Variants in COL4A3 observed in about 807,000 individuals in gnomAD.
COL4A3 encodes the protein collagen type IV alpha 3 chain, also known as collagen alpha-3(IV) chain.
COL4A3 carries 135 observed loss-of-function variants against 217.4 expected under a neutral mutation model. The ratio of observed to expected loss-of-function variants is 0.62; its 90% CI spans 0.54 to 0.72. The LOEUF (loss-of-function observed/expected upper bound fraction) is 0.72, where lower values mean the gene tolerates loss of function less well. Ranked by LOEUF, COL4A3 falls within the 30% of genes least tolerant of loss-of-function variation. The probability of loss-of-function intolerance (pLI) is 0.00; values close to 1 mark genes in which losing one functional copy is unlikely to be tolerated. For synonymous variants in COL4A3, 690 were observed against 736.3 expected, an observed-to-expected ratio of 0.94 and a Z score of 1.02; for missense variants, 1,868 against 2,119.9, an observed-to-expected ratio of 0.88 and a Z score of 2.33.
chr2:227,243,334 T>C (rs1215191272), intron 3 of COL4A3, among the ~76,000 whole-genome samples: 1 of 152,196 alleles, frequency 6.6e-6, no homozygotes, highest in African/African-American at 2.4e-5. Flanking sequence ...AATTAGAGAA[T>C]ATTAAAACCT....
intron 1 of COL4A3, among the ~76,000 whole-genome samples, chr2:227,216,331 C>T (rs994007598): frequency 6.6e-6 from 1 of 151,990 alleles, no homozygotes; most frequent in Non-Finnish European, 1.5e-5. Context: ...TAAACGCCAC[C>T]CTTTCCTGTC....
chr2:227,237,875 C>T (rs2068785716), intron 1 of COL4A3, 93 bp from the exon 2 acceptor site: 4 of 906,438 alleles, frequency 4.4e-6, no homozygotes, highest in Non-Finnish European at 7.4e-6. Context: ...GTCCAATACT[C>T]GAAGAACAGA....
At chr2:227,247,349 G>C (rs1299929746) in intron 7 of COL4A3, among the ~76,000 whole-genome samples, 1 of 152,180 alleles carries the variant, frequency 6.6e-6, no homozygotes, top group African/African-American at 2.4e-5. Flanking sequence ...GGTGGGAAAT[G>C]AACAAAATGG....
intron 1 of COL4A3, among the ~76,000 whole-genome samples, chr2:227,214,121 T>G (rs1417896992): frequency 1.3e-5 from 2 of 152,156 alleles, no homozygotes; most frequent in Non-Finnish European, 2.9e-5. Context: ...TTGAAAAGTC[T>G]GTTATGCCTC....
At chr2:227,243,193 G>A (rs2069125925) in intron 3 of COL4A3, among the ~76,000 whole-genome samples, 2 of 152,184 alleles carry the variant, frequency 1.3e-5, no homozygotes, top group African/African-American at 4.8e-5. Flanking sequence ...TGGGTTACAT[G>A]AGTGCAGGCA....
At chr2:227,294,257 T>C in intron 38 of COL4A3, 1 of 535,486 alleles carries the variant, frequency 1.9e-6, no homozygotes, top group Non-Finnish European at 3.3e-6. Context: ...GCATATTGAG[T>C]GGTGCTTGTG....
intron 1 of COL4A3, among the ~76,000 whole-genome samples, chr2:227,226,623 T>A (rs2068108857): frequency 1.3e-5 from 2 of 152,152 alleles, no homozygotes; most frequent in South Asian, 2.1e-4. Context: ...GCACTCAACA[T>A]CATGCCAAAC....
Position 227,303,126 on chromosome 2 carries a change from A to T in COL4A3, c.3955+16A>T. ...GGCGTGAAAGGTACTGTTTTTGTGC[A>T]TTGCTCTTTATATGCAAATACCATA... is the stretch of plus-strand genomic sequence containing the variant. On this transcript the variant is annotated intron_variant, in intron 44 of 51. Coordinates refer to ENST00000396578, the MANE Select transcript of COL4A3 (RefSeq NM_000091.5). 6.2e-7 allele frequency: 1 copy of T among 1,603,810 alleles called. No homozygotes were observed. The highest frequency in any genetic ancestry group is 8.5e-7 in the Non-Finnish European group (1 of 1,170,730).
Position 227,263,955 on chromosome 2 carries a change from G to C in COL4A3, c.1315+11G>C. ...CTCCAGGACCGCCAGGTAAAGATGT[G>C]GAAGGGGACCCCTTTTGTGCACAGT... On this transcript the variant is annotated intron_variant, in intron 21 of 51. Coordinates refer to ENST00000396578, the MANE Select transcript of COL4A3 (RefSeq NM_000091.5). 1 of 1,614,124 alleles carries C rather than the reference G, an allele frequency of 6.2e-7. No homozygotes were observed.
At chr2:227,202,744 A>AT (rs1312980608) in intron 1 of COL4A3, among the ~76,000 whole-genome samples, 889 of 66,754 alleles carry the variant, frequency 0.013, 79 homozygotes, top group Non-Finnish European at 0.022. Flanking sequence ...CTAAAAAAAA[A>AT]AAATATATAT....
chr2:227,279,891 G>C lies in COL4A3; in HGVS notation c.2223+1G>C. ...AAAGCCAGGCCTCCCAGGAGCCAAG[G>C]TATGCAAAAATTCAAGCTATCACAG... On this transcript the variant is annotated splice_donor_variant, in intron 29 of 51. Transcript: ENST00000396578. LOFTEE classifies it high-confidence loss of function. The C allele has an allele frequency of 6.3e-7, 1 of 1,599,892 alleles. No individual in the cohort carries two copies. Among genetic ancestry groups the C allele is most frequent in the East Asian group, 2.2e-5 (1 of 44,702 alleles).
intron 1 of COL4A3, chr2:227,220,930 T>G (rs1031171641): frequency 3.3e-5 from 5 of 152,220 alleles, no homozygotes; most frequent in African/African-American, 1.2e-4. Flanking sequence ...TTAAAATTTT[T>G]ATGTGTCAGT....
chr2:227,170,707 G>C (rs981437584), intron 1 of COL4A3, among the ~76,000 whole-genome samples: 1 of 152,138 alleles, frequency 6.6e-6, no homozygotes, highest in Non-Finnish European at 1.5e-5. Flanking sequence ...AATAAAAGCA[G>C]TAATAGTATG....
At position 227,284,320 on chromosome 2, in the gene COL4A3, G is replaced by C. The variant is rs2106175432; in HGVS notation, c.2856G>C (p.Gly952=). ...PGPSEISHVI[G]DKGEPGLKGF... is the part of the protein sequence containing the mutation. ...CTTCAGAGATATCCCACGTAATAGG[G>C]GACAAAGGAGAACCAGGTCTCAAAG... Residue 952 remains glycine, a synonymous_variant, in exon 34 of 52, where the codon GGG becomes GGC. Transcript: ENST00000396578. 3.1e-6 allele frequency: 5 copies of C among 1,613,940 alleles called. No homozygotes were observed. The South Asian group carries it at 5.5e-5, about 18-fold the overall frequency.
intron 20 of COL4A3, among the ~76,000 whole-genome samples, chr2:227,262,937 C>T (rs1435656414): frequency 6.6e-6 from 1 of 152,052 alleles, no homozygotes; most frequent in African/African-American, 2.4e-5. Context: ...GAAGAGAGGA[C>T]ATGAAATGTA....
In COL4A3 at chr2:227,248,438, T is replaced by G; in HGVS notation, c.469-5T>G. On this transcript the variant is annotated splice_polypyrimidine_tract_variant and splice_region_variant and intron_variant, in intron 8 of 51. Coordinates refer to ENST00000396578, the MANE Select transcript of COL4A3 (RefSeq NM_000091.5). ...TGATGTTTGATGAACTTCTTCATTT[T>G]CAAGGGTGCTCCTGCTAAAGAAGAA... 1 of 1,598,354 alleles carries G rather than the reference T, an allele frequency of 6.3e-7. No individual in the cohort carries two copies. Among genetic ancestry groups the G allele is most frequent in the Non-Finnish European group, 8.6e-7 (1 of 1,165,686 alleles).
At chr2:227,166,238 C>CA (rs2065272345) in intron 1 of COL4A3, among the ~76,000 whole-genome samples, 1 of 152,160 alleles carries the variant, frequency 6.6e-6, no homozygotes, top group Non-Finnish European at 1.5e-5. Context: ...CTGGTTCTAA[C>CA]AAAAATGCAC....
rs1382259846 is a variant in COL4A3, at chr2:227,312,856, T to G, written c.*986T>G. 6.6e-6 allele frequency: 1 copy of G among 152,558 alleles called. No homozygotes were observed. The highest frequency in any genetic ancestry group is 2.4e-5 in the African/African-American group (1 of 41,414). 9.5% of individuals were successfully genotyped at this position (152,558 alleles called of 1,614,324 possible). ...TCAGACTCGGAATCTATTTTCTCAT[T>G]GCTCTGAATATGTCATCACTCTAGG... On this transcript the variant is annotated 3_prime_UTR_variant, in exon 52 of 52. Transcript: ENST00000396578.
Position 227,295,334 on chromosome 2 carries a change from C to A in COL4A3, c.3565+18C>A. ...TGCTCAAGGTAAGCAGTTCTTCTTC[C>A]CTGTCCTAATGTACACATTTTCAAG... On this transcript the variant is annotated intron_variant, in intron 41 of 51. Coordinates refer to ENST00000396578, the MANE Select transcript of COL4A3 (RefSeq NM_000091.5). 6.2e-7 allele frequency: 1 copy of A among 1,612,416 alleles called. No homozygotes were observed. Among genetic ancestry groups the A allele is most frequent in the Non-Finnish European group, 8.5e-7 (1 of 1,178,426 alleles).
Sources: gnomAD v4.1 joint callset for allele counts (sites outside exome capture counted in the v4.1 genomes callset) on GRCh38, gnomAD v4.1.1 for gene constraint, MANE v1.5 for transcripts, NCBI Gene and HGNC (gene_info 2026-07-23, HGNC 2026-07-21) for gene names.